The following RFX5 variants were observed in gnomAD, a reference collection of about 807,000 sequenced individuals.
The protein encoded by RFX5 is regulatory factor X5.
A neutral mutation model predicts 41.2 loss-of-function variants in RFX5; 30 were observed. That is an observed-to-expected ratio of 0.73 (90% confidence interval 0.54 to 0.99). The LOEUF is 0.99. RFX5 is among the 50% of genes least tolerant of loss of function. RFX5 has a pLI of 0.00. For synonymous variants in RFX5, 231 were observed against 291.8 expected (o/e 0.79, Z 2.12); for missense variants, 715 against 773.6 (o/e 0.92, Z 0.90).
In RFX5 at chr1:151,341,652, G is replaced by A. The variant is rs1650454845; in HGVS notation, c.*534C>T. On this transcript the variant is annotated 3_prime_UTR_variant, in exon 11 of 11. Coordinates refer to ENST00000452671, the MANE Select transcript of RFX5 (RefSeq NM_001025603.2). ...CTTTTTCTGATTGGACATAAATGGG[G>A]AAAAGTGTAATCTTAGGAATGCTGG... 8.6e-6 allele frequency: 2 copies of A among 232,950 alleles called. No homozygotes were observed. The highest frequency in any genetic ancestry group is 1.7e-5 in the Non-Finnish European group (2 of 116,136). 14.4% of individuals were successfully genotyped at this position (232,950 alleles called of 1,614,324 possible).
chr1:151,346,455 G>A (rs1352766136), intron 2 of RFX5, 34 bp downstream of exon 2: 2 of 716,046 alleles, frequency 2.8e-6, no homozygotes, highest in Non-Finnish European at 4.7e-6. Context: ...CAAAGCCTCC[G>A]AATTTCCCCG....
In RFX5 at chr1:151,342,270, T is replaced by C. The variant is rs1650510826; in HGVS notation, c.1767A>G (p.Pro589=). ...PLAKGEVDTA[P]QGNKDLKEHV... Reference sequence around the variant, plus strand: ...GCTCCTTTAAGTCTTTATTACCCTGTGGTGCAGTGTCTACCTCTCCCTTTG... The same window carrying C: ...GCTCCTTTAAGTCTTTATTACCCTGCGGTGCAGTGTCTACCTCTCCCTTTG... The change falls in exon 11 of 11, where the codon CCA becomes CCG. Residue 589 remains proline, a synonymous_variant. Transcript: ENST00000452671. 1.2e-6 allele frequency: 2 copies of C among 1,614,096 alleles called. No homozygotes were observed. Among genetic ancestry groups the C allele is most frequent in the Admixed American group, 1.7e-5 (1 of 59,998 alleles).
Position 151,343,720 on chromosome 1 carries a change from A to T in RFX5, c.718T>A (p.Ser240Thr). The T allele has an allele frequency of 1.9e-6, 3 of 1,614,124 alleles. No individual in the cohort carries two copies. Among genetic ancestry groups the T allele is most frequent in the Non-Finnish European group, 1.7e-6 (2 of 1,180,038 alleles). ...LLQQHLISAR[S>T]AHAHVLKAMG... ...GCCTTAAGCACATGGGCATGTGCAG[A>T]TCGGGCAGAGATGAGATGCTGCTGT... Residue 240 changes from serine (S) to threonine (T), a missense_variant, in exon 9 of 11, where the codon TCT becomes ACT. Ser to Thr is a moderately conservative substitution (Grantham distance 58, BLOSUM62 1). Transcript: ENST00000452671.
intron 1 of RFX5, chr1:151,346,942 C>G (rs1457802247): frequency 6.5e-6 from 1 of 152,900 alleles, no homozygotes; most frequent in Non-Finnish European, 1.5e-5. Context: ...GCCCCCACCT[C>G]CTTCCCTTCC....
chr1:151,344,731 T>C lies in RFX5; in HGVS notation c.350A>G (p.Tyr117Cys), dbSNP rs148419147. Residue 117 changes from tyrosine to cysteine, a missense_variant, in exon 6 of 11, where the codon TAT becomes TGT. Tyr to Cys is a radical substitution (Grantham distance 194, BLOSUM62 -2). Transcript: ENST00000452671. ...CLPKQSVYDA[Y>C]RKYCESLACC... is the part of the protein sequence containing the mutation. Reference sequence around the variant, plus strand: ...CACCACCCACCCCTCCACCCACCGATAGGCATCATAAACACTTTGCTTTGG... The same window carrying C: ...CACCACCCACCCCTCCACCCACCGACAGGCATCATAAACACTTTGCTTTGG... 3 of 1,151,608 alleles carry C rather than the reference T, an allele frequency of 2.6e-6. No individual in the cohort carries two copies. The highest frequency in any genetic ancestry group is 1.7e-5 in the African/African-American group (1 of 60,604). The allele number at this position is 1,151,608 out of a possible 1,614,324, so 71.3% of individuals were successfully genotyped here. A position where few individuals can be genotyped will look rare whatever the true frequency, so the allele number is the denominator to read the frequency against.
chr1:151,345,197 G>T lies in RFX5; in HGVS notation c.151-9C>A. The T allele has an allele frequency of 6.2e-7, 1 of 1,610,476 alleles. No homozygotes were observed. Among genetic ancestry groups the T allele is most frequent in the South Asian group, 1.1e-5 (1 of 90,964 alleles). On this transcript the variant is annotated splice_polypyrimidine_tract_variant and intron_variant, in intron 4 of 10. Transcript: ENST00000452671. The stretch of plus-strand genomic sequence containing the variant: ...AATTTCTGTACATCTTGCTGAGGTA[G>T]GAGAGAACAGAGGCAGGAGAAATAA...
chr1:151,346,183 T>A (rs749261007), intron 3 of RFX5, 22 bp downstream of exon 3: 1 of 1,607,664 alleles, frequency 6.2e-7, no homozygotes, highest in Non-Finnish European at 8.5e-7. Context: ...GGACAGGACT[T>A]GGAGATGTGA....
chr1:151,343,125 C>T lies in RFX5; in HGVS notation c.912G>A (p.Glu304=). 6.2e-7 allele frequency: 1 copy of T among 1,612,424 alleles called. No homozygotes were observed. Among genetic ancestry groups the T allele is most frequent in the South Asian group, 1.1e-5 (1 of 91,038 alleles). ...AGCTCTCAACTACACTCTTCTTCCG[C>T]TCTCCACGTGCGAGAGGACCGGCCC... ...RTGAGPLARG[E]RKKSVVESSA... The change falls in exon 11 of 11, where the codon GAG becomes GAA. Residue 304 remains glutamate (E), a synonymous_variant. Transcript: ENST00000452671.
Position 151,342,818 on chromosome 1 carries a change from T to C in RFX5, c.1219A>G (p.Thr407Ala). The C allele has an allele frequency of 6.2e-7, 1 of 1,614,012 alleles. No homozygotes were observed. The highest frequency in any genetic ancestry group is 8.5e-7 in the Non-Finnish European group (1 of 1,179,956). The change falls in exon 11 of 11, where the codon ACT becomes GCT. Residue 407 changes from threonine to alanine, a missense_variant. By Grantham distance (58) the Thr-to-Ala change is moderately conservative (BLOSUM62 0). Transcript: ENST00000452671. ...GPGRAPPGGL[T>A]QPRGTENREV... ...CTGTTCTCTGTGCCCCGGGGCTGAG[T>C]GAGTCCCCCAGGTGGAGCTCGCCCA...
Position 151,343,435 on chromosome 1 carries a change from GTCC to G in RFX5, c.762_764del (p.Glu254del). The G allele has an allele frequency of 6.2e-7, 1 of 1,613,914 alleles. No homozygotes were observed. ...ATGACCGTTCCCGAGGTGCATGTTC[GTCC>G]TCTTCTGCAGAGGTACCAAAAAGGT... On this transcript the variant is annotated inframe_deletion, in exon 10 of 11. Coordinates refer to ENST00000452671, the MANE Select transcript of RFX5 (RefSeq NM_001025603.2).
At chr1:151,346,011 C>A in intron 3 of RFX5, 50 bp from the exon 4 acceptor site, 2 of 1,613,950 alleles carry the variant, frequency 1.2e-6, no homozygotes, top group South Asian at 1.1e-5. Flanking sequence ...TTTTCCCTGT[C>A]TCTTTATCTG....
intron 4 of RFX5, 58 bp from the exon 5 acceptor site, chr1:151,345,246 AG>A (rs1650908666): frequency 7.5e-7 from 1 of 1,327,064 alleles, no homozygotes; most frequent in African/African-American, 1.4e-5. Flanking sequence ...GACCCAATAT[AG>A]GACCCTCTGA....
At chr1:151,344,623 G>A in intron 6 of RFX5, 87 bp from the exon 7 acceptor site, 3 of 1,603,512 alleles carry the variant, frequency 1.9e-6, no homozygotes, top group East Asian at 2.2e-5. Context: ...CAAGTGTGAG[G>A]AACCCTTTAA....
intron 1 of RFX5, 93 bp from the exon 2 acceptor site, chr1:151,346,699 AAAC>A (rs1463785706): frequency 1.2e-5 from 3 of 259,702 alleles, no homozygotes; most frequent in Admixed American, 1.0e-4. Context: ...TCCCCCTCAA[AAAC>A]AACAATAACA....
chr1:151,344,255 C>T lies in RFX5; in HGVS notation c.497G>A (p.Arg166Lys). 1 of 1,614,174 alleles carries T rather than the reference C, an allele frequency of 6.2e-7. No homozygotes were observed. Among genetic ancestry groups the T allele is most frequent in the Non-Finnish European group, 8.5e-7 (1 of 1,180,022 alleles). Residue 166 changes from arginine to lysine, a missense_variant, in exon 8 of 11, where the codon AGG becomes AAG. By Grantham distance (26) the Arg-to-Lys change is conservative. Coordinates refer to ENST00000452671, the MANE Select transcript of RFX5 (RefSeq NM_001025603.2). ...QSKYCYSGIR[R>K]KTLVSMPPLP... is the part of the protein sequence containing the mutation. ...GGGTGGCATAGACACCAAGGTCTTC[C>T]TCCTTATGCCACTGTAGCAATATCT... is the stretch of plus-strand genomic sequence containing the variant.
chr1:151,340,845 C>G lies in RFX5; in HGVS notation c.*1341G>C, dbSNP rs1033724257. 2 of 152,584 alleles carry G rather than the reference C, an allele frequency of 1.3e-5. No individual in the cohort carries two copies. Among genetic ancestry groups the G allele is most frequent in the African/African-American group, 2.4e-5 (1 of 41,422 alleles). 9.5% of individuals were successfully genotyped at this position (152,584 alleles called of 1,614,324 possible). ...GTGTTTCTTGGGAAGAACCAAGATT[C>G]CCTGACAGAAGCTACCCTATGTAGA... is the stretch of plus-strand genomic sequence containing the variant. On this transcript the variant is annotated 3_prime_UTR_variant, in exon 11 of 11. Coordinates refer to ENST00000452671, the MANE Select transcript of RFX5 (RefSeq NM_001025603.2).
chr1:151,343,094 G>A lies in RFX5; in HGVS notation c.943C>T (p.Pro315Ser). The change falls in exon 11 of 11, where the codon CCA (proline) becomes TCA (serine). Residue 315 changes from proline (P) to serine (S), a missense_variant. Pro to Ser is a moderately conservative substitution (Grantham distance 74). Transcript: ENST00000452671. ...TTAACCTGCAGGTTATTGGCTCCTG[G>A]GGCCGAGCTCTCAACTACACTCTTC... ...RKKSVVESSA[P>S]GANNLQVNAL... The A allele has an allele frequency of 1.9e-6, 3 of 1,613,144 alleles. No homozygotes were observed. Among genetic ancestry groups the A allele is most frequent in the Non-Finnish European group, 2.5e-6 (3 of 1,180,000 alleles).
At position 151,341,744 on chromosome 1, in the gene RFX5, C is replaced by T. The variant is rs190758131; in HGVS notation, c.*442G>A. 3.8e-4 allele frequency: 115 copies of T among 306,138 alleles called. No homozygotes were observed. Among genetic ancestry groups the T allele is most frequent in the African/African-American group, 2.2e-3 (100 of 45,734 alleles). 19.0% of individuals were successfully genotyped at this position (306,138 alleles called of 1,614,324 possible). A position where few individuals can be genotyped will look rare whatever the true frequency, so the allele number is the denominator to read the frequency against. On this transcript the variant is annotated 3_prime_UTR_variant, in exon 11 of 11. Transcript: ENST00000452671. Reference sequence around the variant, plus strand: ...TGCAACAGTGAGAAAAAAGTCAGTCCGGTATTTAGAGACATACTGAACTAC... The same window carrying T: ...TGCAACAGTGAGAAAAAAGTCAGTCTGGTATTTAGAGACATACTGAACTAC...
Position 151,344,201 on chromosome 1 carries a change from T to G in RFX5, c.551A>C (p.Glu184Ala), listed in dbSNP as rs1478330503. The change falls in exon 8 of 11, where the codon GAG becomes GCG. Residue 184 changes from glutamate to alanine, a missense_variant. By Grantham distance (107) the Glu-to-Ala change is moderately radical. Coordinates refer to ENST00000452671, the MANE Select transcript of RFX5 (RefSeq NM_001025603.2). Reference protein sequence around the residue: ...PLPGLDLKGSESPEMGPEVTP... With the variant: ...PLPGLDLKGSASPEMGPEVTP... The stretch of plus-strand genomic sequence containing the variant: ...GGAAGGTGATTTGGTACTTACACTC[T>G]CAGAACCCTTTAGGTCAAGTCCAGG... 1.1e-5 allele frequency: 17 copies of G among 1,614,048 alleles called. No individual in the cohort carries two copies. Among genetic ancestry groups the G allele is most frequent in the Non-Finnish European group, 1.4e-5 (17 of 1,180,006 alleles).
Sources: gnomAD v4.1 joint callset for allele counts on GRCh38, gnomAD v4.1.1 for gene constraint, MANE v1.5 for transcripts, NCBI Gene and HGNC (gene_info 2026-07-23, HGNC 2026-07-21) for gene names.